The following INTS11 variants were observed in gnomAD, a reference collection of about 807,000 sequenced individuals.
The protein encoded by INTS11 is CPSF3-like protein.
A neutral mutation model predicts 78.6 loss-of-function variants in INTS11; 77 were observed. That is an observed-to-expected ratio of 0.98 (90% confidence interval 0.81 to 1.18). INTS11 has a LOEUF of 1.18. INTS11 is among the 50% of genes most tolerant of loss of function. INTS11 has a pLI of 0.00. For missense variants in INTS11, 875 were observed against 825.9 expected (o/e 1.06, Z -0.73); for synonymous variants, 441 against 326.9 (o/e 1.35, Z -3.77).
At position 1,324,552 on chromosome 1, in the gene INTS11, C is replaced by T; in HGVS notation, c.28+29G>A. On this transcript the variant is annotated intron_variant, in intron 1 of 16. Transcript: ENST00000435064. ...CCCGGAGCCGCATACGGAGCCCACC[C>T]CACAGCCCTCCCGGCGGCTCCCACT... 4 of 1,589,294 alleles carry T rather than the reference C, an allele frequency of 2.5e-6. No homozygotes were observed. In the South Asian group the frequency reaches 4.5e-5, roughly 18 times the overall value.
At position 1,314,038 on chromosome 1, in the gene INTS11, A is replaced by T; in HGVS notation, c.768-117T>A. On this transcript the variant is annotated intron_variant, in intron 8 of 16. Transcript: ENST00000435064. This position sits in a 1 kb window ranked among gnomAD's most constrained non-coding sequence, Gnocchi z 4.2. The stretch of plus-strand genomic sequence containing the variant: ...CACAGCCCACGCACGGGCCAGGTTG[A>T]GTCCAGTCGCGACCACTTGTCCCAT... 1 of 1,074,560 alleles carries T rather than the reference A, an allele frequency of 9.3e-7. No homozygotes were observed. Among genetic ancestry groups the T allele is most frequent in the Admixed American group, 2.2e-5 (1 of 45,876 alleles). The allele number at this position is 1,074,560 out of a possible 1,614,324, so 66.6% of individuals were successfully genotyped here.
At chr1:1,320,371 G>T in intron 3 of INTS11, 85 bp downstream of exon 3, 2 of 1,334,058 alleles carry the variant, frequency 1.5e-6, no homozygotes, top group Non-Finnish European at 2.2e-6. Flanking sequence ...CAGGCCCCTT[G>T]CCAAACGCTG....
intron 16 of INTS11, 34 bp downstream of exon 16, chr1:1,311,984 T>C (rs781337148): frequency 4.4e-6 from 7 of 1,596,264 alleles, no homozygotes; most frequent in Non-Finnish European, 6.0e-6. Flanking sequence ...TTGATACCTG[T>C]GTTGACCGCG....
At chr1:1,319,234 G>A (rs963860573) in intron 4 of INTS11, 62 bp downstream of exon 4, 2 of 1,366,626 alleles carry the variant, frequency 1.5e-6, no homozygotes, top group Non-Finnish European at 1.0e-6. Flanking sequence ...AGAACGGGCG[G>A]AGGGCATGGT....
At chr1:1,318,814 A>C (rs1472105879) in intron 4 of INTS11, 1 of 608,042 alleles carries the variant, frequency 1.6e-6, no homozygotes, top group Non-Finnish European at 3.0e-6. Flanking sequence ...ACAAACCCAT[A>C]ATCTTTGTCA....
Position 1,312,011 on chromosome 1 carries a change from C to T in INTS11, c.1737+7G>A. 6.3e-7 allele frequency: 1 copy of T among 1,582,130 alleles called. No homozygotes were observed. Among genetic ancestry groups the T allele is most frequent in the Non-Finnish European group, 8.6e-7 (1 of 1,164,530 alleles). ...TTGACCGCGGTGGGGTGGGGGTCAC[C>T]CCTTACCTGGTAGGTCCAGGAGACC... On this transcript the variant is annotated splice_region_variant and intron_variant, in intron 16 of 16. Coordinates refer to ENST00000435064, the MANE Select transcript of INTS11 (RefSeq NM_017871.6).
chr1:1,318,791 G>C (rs76855900), intron 4 of INTS11: 9,526 of 551,648 alleles, frequency 0.017, 709 homozygotes, highest in African/African-American at 0.16. Flanking sequence ...CCAGAGATTC[G>C]AGTGAGACAC....
Position 1,312,314 on chromosome 1 carries a change from GCTCAGCCAGAC to G in INTS11, c.1508_1518del (p.Gly503AlafsTer13). The G allele has an allele frequency of 6.4e-7, 1 of 1,552,364 alleles. No individual in the cohort carries two copies. Among genetic ancestry groups the G allele is most frequent in the Non-Finnish European group, 8.7e-7 (1 of 1,147,954 alleles). Reference sequence around the variant, plus strand: ...ACGCGGCAGGTGAAGCGCAGCTGGTGCTCAGCCAGACCCAGCTCTTTGAGGGCTTGCTCTGA... The same window carrying G: ...ACGCGGCAGGTGAAGCGCAGCTGGTGCCAGCTCTTTGAGGGCTTGCTCTGA... On this transcript the variant is annotated frameshift_variant, in exon 15 of 17. Coordinates refer to ENST00000435064, the MANE Select transcript of INTS11 (RefSeq NM_017871.6). LOFTEE classifies it high-confidence loss of function.
At position 1,312,244 on chromosome 1, in the gene INTS11, ACG is replaced by A; in HGVS notation, c.1587_1588del (p.Val530LeufsTer35). On this transcript the variant is annotated frameshift_variant, in exon 15 of 17. Transcript: ENST00000435064. LOFTEE classifies it high-confidence loss of function. Reference sequence around the variant, plus strand: ...CGCCCACCTCTTGAGGTGGCTGTAGACGCGCAATGCCGTCTCCTGCTCCTTGC... The same window carrying A: ...CGCCCACCTCTTGAGGTGGCTGTAGACGCAATGCCGTCTCCTGCTCCTTGC... 1 of 1,525,774 alleles carries A rather than the reference ACG, an allele frequency of 6.6e-7. No homozygotes were observed. Among genetic ancestry groups the A allele is most frequent in the Non-Finnish European group, 8.8e-7 (1 of 1,131,006 alleles). The allele number at this position is 1,525,774 out of a possible 1,614,324, so 94.5% of individuals were successfully genotyped here. A position where few individuals can be genotyped will look rare whatever the true frequency, so the allele number is the denominator to read the frequency against.
At chr1:1,319,769 A>G in intron 3 of INTS11, 2 of 539,294 alleles carry the variant, frequency 3.7e-6, no homozygotes, top group East Asian at 3.1e-5. Flanking sequence ...CTCGCGAGAC[A>G]ATGCAAAGCT....
In INTS11 at chr1:1,313,543, A is replaced by C; in HGVS notation, c.1007T>G (p.Ile336Ser). 13 of 1,613,032 alleles carry C rather than the reference A, an allele frequency of 8.1e-6. No individual in the cohort carries two copies. Among genetic ancestry groups the C allele is most frequent in the Non-Finnish European group, 1.1e-5 (13 of 1,180,018 alleles). The change falls in exon 10 of 17, where the codon ATC becomes AGC. Residue 336 changes from isoleucine (I) to serine (S), a missense_variant. Physicochemically the swap from Ile to Ser is moderately radical, Grantham distance 142. Coordinates refer to ENST00000435064, the MANE Select transcript of INTS11 (RefSeq NM_017871.6). ...GMLHAGQSLQIFRKWAGNEKN... is the reference protein window; with the variant it reads ...GMLHAGQSLQSFRKWAGNEKN... ...TTCGTTTCCGGCCCATTTCCGGAAG[A>C]TCTGCAGGGACTGCCCAGCGTGCAG...
chr1:1,323,378 T>C (rs1643078730), intron 1 of INTS11: 1 of 1,410,512 alleles, frequency 7.1e-7, no homozygotes, highest in African/African-American at 1.4e-5. Flanking sequence ...GACTAATTTT[T>C]TCCTTCTTCA....
At chr1:1,312,408 CT>C in intron 14 of INTS11, 31 bp downstream of exon 14, 1 of 1,565,184 alleles carries the variant, frequency 6.4e-7, no homozygotes, top group Non-Finnish European at 8.7e-7. Context: ...AGCAGCGGCC[CT>C]CCCCCCTCCA....
At chr1:1,313,624 A>G in intron 9 of INTS11, 32 bp from the exon 10 acceptor site, 1 of 1,611,844 alleles carries the variant, frequency 6.2e-7, no homozygotes, top group Non-Finnish European at 8.5e-7. Context: ...GTGGGGGGTC[A>G]GGGCAGCAGA....
chr1:1,312,903 G>A lies in INTS11; in HGVS notation c.1178C>T (p.Ala393Val), dbSNP rs771300845. 1.9e-5 allele frequency: 31 copies of A among 1,612,416 alleles called. 1 individual carries two copies. The highest frequency in any genetic ancestry group is 4.5e-5 in the East Asian group (2 of 44,890). The change falls in exon 12 of 17, where the codon GCG becomes GTG. Residue 393 changes from alanine (A) to valine (V), a missense_variant. Ala to Val is a moderately conservative substitution (Grantham distance 64). Coordinates refer to ENST00000435064, the MANE Select transcript of INTS11 (RefSeq NM_017871.6). Reference sequence around the variant, plus strand: ...CAGCTGCATGATGCCCTTGGCGTCCGCGTGTGCGCTGAATGACATGTACTC... The same window carrying A: ...CAGCTGCATGATGCCCTTGGCGTCCACGTGTGCGCTGAATGACATGTACTC... ...QVEYMSFSAHADAKGIMQLVG... is the reference protein window; with the variant it reads ...QVEYMSFSAHVDAKGIMQLVG...
intron 1 of INTS11, chr1:1,322,003 C>A (rs1352884873): frequency 1.5e-6 from 2 of 1,325,110 alleles, no homozygotes; most frequent in African/African-American, 1.5e-5. Flanking sequence ...GAGAGGGGAT[C>A]TCAGGTTCTC....
intron 4 of INTS11, chr1:1,316,804 A>T (rs191357958): frequency 1.3e-5 from 2 of 149,344 alleles, no homozygotes; most frequent in Non-Finnish European, 3.0e-5. Context: ...TGCGCCTGTA[A>T]TCCCAGCTAC....
intron 1 of INTS11, chr1:1,323,338 C>T: frequency 4.6e-6 from 7 of 1,517,712 alleles, no homozygotes; most frequent in South Asian, 1.2e-5. Flanking sequence ...ACACCATGTC[C>T]CTCCAGCTGT....
In INTS11 at chr1:1,320,510, G is replaced by A. The variant is rs774404305; in HGVS notation, c.146C>T (p.Ser49Phe). 3 of 1,613,838 alleles carry A rather than the reference G, an allele frequency of 1.9e-6. No individual in the cohort carries two copies. The highest frequency in any genetic ancestry group is 1.3e-5 in the African/African-American group (1 of 74,928). Residue 49 changes from serine (S) to phenylalanine (F), a missense_variant, in exon 3 of 17, where the codon TCC becomes TTC. Transcript: ENST00000435064. ...TAGGCGGCCGTTCTGGGTGATGTAG[G>A]AGAAGTCAGGGAAGCGTCGCTAGGA... The part of the protein sequence containing the change: ...FNDDRRFPDF[S>F]YITQNGRLTD...
Sources: gnomAD v4.1 joint callset for allele counts on GRCh38, gnomAD v4.1.1 for gene constraint, Gnocchi (gnomAD v3.1) non-coding constraint, MANE v1.5 for transcripts, NCBI Gene and HGNC (gene_info 2026-07-23, HGNC 2026-07-21) for gene names.